The following SHISA9 variants were observed in gnomAD, a reference collection of about 807,000 sequenced individuals.
The protein encoded by SHISA9 is shisa family member 9.
SHISA9 carries 13 observed loss-of-function variants against 38.0 expected under a neutral mutation model. That is an observed-to-expected ratio of 0.34 (90% CI 0.22 to 0.54). The LOEUF (loss-of-function observed/expected upper bound fraction) is 0.54. Among genes scored for constraint, SHISA9 ranks in the 20% least tolerant of loss-of-function variants. The pLI, the probability that SHISA9 is intolerant of heterozygous loss-of-function variation, is 0.91. For missense variants in SHISA9, 538 were observed against 575.8 expected, an observed-to-expected ratio of 0.93 and a Z score of 0.67; for synonymous variants, 275 against 242.0, an observed-to-expected ratio of 1.14 and a Z score of -1.27.
At chr16:13,399,414 C>A in the SHISA9 span, among the ~76,000 whole-genome samples, 3 of 152,148 alleles carry the variant, frequency 2.0e-5, no homozygotes, top group African/African-American at 7.2e-5. Flanking sequence ...ATTAACACAA[C>A]ACTTAAATTG....
chr16:13,221,123 GT>G (rs1336758284), intron 4 of SHISA9, among the ~76,000 whole-genome samples: 4 of 152,114 alleles, frequency 2.6e-5, no homozygotes, highest in Non-Finnish European at 5.9e-5. Flanking sequence ...CCTTTTTCCG[GT>G]TTTCTCTCTT....
chr16:13,454,211 C>T, the SHISA9 span, among the ~76,000 whole-genome samples: 2 of 152,142 alleles, frequency 1.3e-5, no homozygotes, highest in Non-Finnish European at 2.9e-5. Context: ...TCATTGTATA[C>T]CTTGTTTTCC....
chr16:13,438,595 TATC>T, the SHISA9 span, among the ~76,000 whole-genome samples: 1 of 152,190 alleles, frequency 6.6e-6, no homozygotes, highest in African/African-American at 2.4e-5. Flanking sequence ...AAATTAGACA[TATC>T]ATTGTTATTC....
the SHISA9 span, among the ~76,000 whole-genome samples, chr16:13,414,821 C>G: frequency 6.6e-6 from 1 of 151,872 alleles, no homozygotes; most frequent in East Asian, 1.9e-4. Flanking sequence ...TTAGTAGAGA[C>G]AGGGTTTCAC....
rs1448805454 is a variant in SHISA9, at chr16:13,235,066, G to A, written c.932G>A (p.Arg311Gln). The change falls in exon 5 of 5, where the codon CGG becomes CAG. Residue 311 changes from arginine to glutamine, a missense_variant. Transcript: ENST00000558583. ...KVNDDFYTKR[R>Q]HLAELAAKGN... is the part of the protein sequence containing the mutation. ...AATGACGACTTCTACACCAAGCGAC[G>A]GCACCTGGCTGAGCTGGCTGCCAAG... 5.8e-6 allele frequency: 9 copies of A among 1,551,056 alleles called. No homozygotes were observed. Among genetic ancestry groups the A allele is most frequent in the African/African-American group, 1.4e-5 (1 of 72,976 alleles).
At chr16:13,156,918 T>C (rs955187840) in intron 2 of SHISA9, among the ~76,000 whole-genome samples, 1 of 152,154 alleles carries the variant, frequency 6.6e-6, no homozygotes, top group Non-Finnish European at 1.5e-5. Flanking sequence ...GATGAAGGCA[T>C]GAAAGAAGAA....
At chr16:13,370,213 C>T in the SHISA9 span, among the ~76,000 whole-genome samples, 4 of 152,134 alleles carry the variant, frequency 2.6e-5, no homozygotes, top group East Asian at 1.9e-4. Context: ...TAACGACCAA[C>T]GTAACTTGTG....
the SHISA9 span, among the ~76,000 whole-genome samples, chr16:13,482,467 C>G: frequency 6.6e-6 from 1 of 152,144 alleles, no homozygotes; most frequent in South Asian, 2.1e-4. Flanking sequence ...ATTAATAGCT[C>G]CATTTTAAAG....
chr16:13,213,264 G>A lies in SHISA9; in HGVS notation c.859G>A (p.Gly287Ser). 1 of 1,551,772 alleles carries A rather than the reference G, an allele frequency of 6.4e-7. No individual in the cohort carries two copies. Among genetic ancestry groups the A allele is most frequent in the Non-Finnish European group, 8.7e-7 (1 of 1,146,990 alleles). ...ASLKAVGSSD[G>S]DWAVSTLKSP... Reference sequence around the variant, plus strand: ...TGTTATTTTTTTAGGAAGTTCTGATGGTGACTGGGCAGTATCGACACTTAA... The same window carrying A: ...TGTTATTTTTTTAGGAAGTTCTGATAGTGACTGGGCAGTATCGACACTTAA... The change falls in exon 4 of 5, where the codon GGT becomes AGT. Residue 287 changes from glycine (G) to serine (S), a missense_variant. Gly to Ser is a moderately conservative substitution (Grantham distance 56). Transcript: ENST00000558583.
At chr16:13,463,162 AAAAC>A in the SHISA9 span, among the ~76,000 whole-genome samples, 3 of 152,140 alleles carry the variant, frequency 2.0e-5, no homozygotes, top group South Asian at 4.1e-4. Context: ...CCTGTCTCAA[AAAAC>A]AAACAAAAAA....
At chr16:13,259,528 G>A in the SHISA9 span, among the ~76,000 whole-genome samples, 2 of 152,252 alleles carry the variant, frequency 1.3e-5, no homozygotes, top group South Asian at 4.1e-4. Flanking sequence ...CACTGCCCTA[G>A]CAGAGGTTCT....
chr16:12,989,237 G>A (rs942245982), intron 2 of SHISA9, among the ~76,000 whole-genome samples: 1 of 152,046 alleles, frequency 6.6e-6, no homozygotes, highest in Non-Finnish European at 1.5e-5. Context: ...TGTGTTTGAC[G>A]ATGTCAGGCT....
intron 2 of SHISA9, among the ~76,000 whole-genome samples, chr16:13,013,401 G>A (rs1433207667): frequency 1.3e-5 from 2 of 152,150 alleles, no homozygotes; most frequent in East Asian, 1.9e-4. Context: ...CTGGCCGGGG[G>A]AAACTGAACT....
At chr16:13,023,219 T>C (rs1035741989) in intron 2 of SHISA9, among the ~76,000 whole-genome samples, 1 of 152,160 alleles carries the variant, frequency 6.6e-6, no homozygotes, top group African/African-American at 2.4e-5. Flanking sequence ...CCACCCTGTG[T>C]CCAAGTGATC....
chr16:13,080,182 G>C (rs928734912), intron 2 of SHISA9, among the ~76,000 whole-genome samples: 2 of 152,016 alleles, frequency 1.3e-5, no homozygotes, highest in African/African-American at 2.4e-5. Flanking sequence ...GACCATCCTG[G>C]CTAACATGGT....
At chr16:13,059,551 C>A (rs2073350589) in intron 2 of SHISA9, among the ~76,000 whole-genome samples, 1 of 152,058 alleles carries the variant, frequency 6.6e-6, no homozygotes, top group Non-Finnish European at 1.5e-5. Context: ...TCAGGATAAA[C>A]AGCAAATACA....
the SHISA9 span, among the ~76,000 whole-genome samples, chr16:13,482,687 G>A: frequency 6.6e-6 from 1 of 151,778 alleles, no homozygotes; most frequent in East Asian, 1.9e-4. Flanking sequence ...TGTAGTCCCA[G>A]CTACTCAGAA....
At chr16:13,562,235 T>C in the SHISA9 span, among the ~76,000 whole-genome samples, 1 of 152,164 alleles carries the variant, frequency 6.6e-6, no homozygotes, top group African/African-American at 2.4e-5. Flanking sequence ...ATCAGAGAAA[T>C]TGGGTTCTAT....
At chr16:12,951,090 A>G (rs1357663487) in intron 2 of SHISA9, among the ~76,000 whole-genome samples, 36 of 150,768 alleles carry the variant, frequency 2.4e-4, no homozygotes, top group Admixed American at 2.2e-3. Flanking sequence ...GCGTGGTGGC[A>G]GGCACCTGTA....
Sources: gnomAD v4.1 joint callset for allele counts (sites outside exome capture counted in the v4.1 genomes callset) on GRCh38, gnomAD v4.1.1 for gene constraint, MANE v1.5 for transcripts, NCBI Gene and HGNC (gene_info 2026-07-23, HGNC 2026-07-21) for gene names.